ZC3H12B: variants seen among roughly 807,000 people sequenced by gnomAD.
ZC3H12B encodes probable ribonuclease ZC3H12B.
ZC3H12B carries 7 observed loss-of-function variants against 43.9 expected under a neutral mutation model. That is an observed-to-expected ratio of 0.16 (90% CI 0.09 to 0.30). The LOEUF is 0.30. Among genes scored for constraint, ZC3H12B ranks in the 10% least tolerant of loss-of-function variants. The pLI is 1.00. For synonymous variants in ZC3H12B, 222 were observed against 241.7 expected, an observed-to-expected ratio of 0.92 and a Z score of 0.76; for missense variants, 475 against 670.2, an observed-to-expected ratio of 0.71 and a Z score of 3.22.
chrX:65,041,462 T>A, the ZC3H12B span, among the ~76,000 whole-genome samples: 1 of 112,019 alleles, frequency 8.9e-6, no homozygotes, highest in South Asian at 3.7e-4. Flanking sequence ...ATTTAAAAAA[T>A]CTTCTAAGTG....
chrX:65,226,478 G>T, the ZC3H12B span, among the ~76,000 whole-genome samples: 8 of 111,305 alleles, frequency 7.2e-5, no homozygotes, highest in Non-Finnish European at 1.3e-4. Flanking sequence ...GTCAACTAAT[G>T]AGCAAAATAA....
At chrX:65,155,245 A>T in the ZC3H12B span, among the ~76,000 whole-genome samples, 1 of 110,406 alleles carries the variant, frequency 9.1e-6, no homozygotes, top group Non-Finnish European at 1.9e-5. Context: ...GGCATGATCC[A>T]CTGAGTCTGG....
rs745744346 is a variant in ZC3H12B, at chrX:65,375,269, G to GC, written n.295+6273dup. 8.9e-5 allele frequency among the ~76,000 whole-genome samples: 10 copies of GC among 112,122 alleles called. No individual in the cohort carries two copies. In the East Asian group the frequency reaches 2.2e-3, roughly 25 times the overall value. On this transcript the variant is annotated intron_variant and non_coding_transcript_variant, in intron 2 of 5. Coordinates refer to the ZC3H12B transcript ENST00000617377. The stretch of plus-strand genomic sequence containing the variant: ...GGAGGAGGCATTTAGACCAGCCCCA[G>GC]CCAGAGGGGAATTATCCATCCCAGC...
At chrX:65,334,872 A>C in the ZC3H12B span, among the ~76,000 whole-genome samples, 1 of 111,729 alleles carries the variant, frequency 9.0e-6, no homozygotes, top group African/African-American at 3.3e-5. Context: ...CATGCATTTC[A>C]TTACAAAGCA....
the ZC3H12B span, among the ~76,000 whole-genome samples, chrX:65,100,444 C>A: frequency 1.9e-5 from 2 of 107,076 alleles, no homozygotes; most frequent in African/African-American, 3.4e-5. Flanking sequence ...CACAGAGTGG[C>A]AAGTTGGATA....
chrX:65,298,138 G>A, the ZC3H12B span, among the ~76,000 whole-genome samples: 1 of 111,593 alleles, frequency 9.0e-6, no homozygotes, highest in African/African-American at 3.3e-5. Flanking sequence ...CAAAAACAAA[G>A]ATAAATAGGT....
chrX:65,433,164 T>G (rs1473789789), intron 3 of ZC3H12B, among the ~76,000 whole-genome samples: 1 of 112,604 alleles, frequency 8.9e-6, no homozygotes, highest in Non-Finnish European at 1.9e-5. Flanking sequence ...TACAGCAGCT[T>G]GAATTTGAGT....
intron 2 of ZC3H12B, among the ~76,000 whole-genome samples, chrX:65,391,909 G>A (rs769124990): frequency 1.8e-5 from 2 of 111,202 alleles, no homozygotes; most frequent in South Asian, 7.6e-4. Context: ...GGGATTGCAG[G>A]TGCGCACCAC....
At chrX:65,373,935 A>ATATATATATAGTTTATATATATAC (rs2066291041) in intron 2 of ZC3H12B, among the ~76,000 whole-genome samples, 8 of 41,400 alleles carry the variant, frequency 1.9e-4, no homozygotes, top group African/African-American at 6.0e-4. Flanking sequence ...TATATATAGT[A>ATATATATATAGTTTATATATATAC]TATATATATA....
At chrX:65,220,497 G>C in the ZC3H12B span, among the ~76,000 whole-genome samples, 182 of 111,622 alleles carry the variant, frequency 1.6e-3, no homozygotes, top group African/African-American at 5.8e-3. Context: ...AATTTAAAGA[G>C]GTGGAAAAGA....
the ZC3H12B span, among the ~76,000 whole-genome samples, chrX:65,242,876 G>T: frequency 3.6e-5 from 4 of 112,368 alleles, no homozygotes; most frequent in Admixed American, 1.9e-4. Flanking sequence ...ACATATTTGA[G>T]AAAGGACCAT....
the ZC3H12B span, among the ~76,000 whole-genome samples, chrX:65,251,966 C>T: frequency 8.9e-6 from 1 of 111,855 alleles, no homozygotes; most frequent in African/African-American, 3.3e-5. Context: ...GAACTTCCAA[C>T]ACTATGTTGA....
chrX:65,163,069 C>T, the ZC3H12B span, among the ~76,000 whole-genome samples: 7 of 111,566 alleles, frequency 6.3e-5, no homozygotes, highest in Non-Finnish European at 1.3e-4. Flanking sequence ...GCAGTGGTGG[C>T]TGCAGAACAG....
chrX:65,302,640 A>G, the ZC3H12B span, among the ~76,000 whole-genome samples: 1 of 112,124 alleles, frequency 8.9e-6, no homozygotes, highest in Admixed American at 9.5e-5. Context: ...AAGTTGTTTT[A>G]TGAATATTGA....
At chrX:65,165,111 A>G in the ZC3H12B span, among the ~76,000 whole-genome samples, 3 of 111,978 alleles carry the variant, frequency 2.7e-5, no homozygotes, top group Non-Finnish European at 5.6e-5. Context: ...ACAAATAAAA[A>G]GGAGAAAATC....
intron 3 of ZC3H12B, among the ~76,000 whole-genome samples, chrX:65,478,525 T>C (rs1452182421): frequency 8.9e-6 from 1 of 112,818 alleles, no homozygotes; most frequent in African/African-American, 3.2e-5. Flanking sequence ...TAGAGACCTG[T>C]GAAGTAATTC....
At chrX:65,258,018 T>G in the ZC3H12B span, among the ~76,000 whole-genome samples, 1 of 111,073 alleles carries the variant, frequency 9.0e-6, no homozygotes, top group Non-Finnish European at 1.9e-5. Flanking sequence ...GAGGAGAAAC[T>G]CCTCCCTAAC....
the ZC3H12B span, among the ~76,000 whole-genome samples, chrX:65,267,803 A>T: frequency 8.9e-6 from 1 of 111,969 alleles, no homozygotes; most frequent in African/African-American, 3.2e-5. Flanking sequence ...TTATAGCAAT[A>T]AATGCCTAAT....
the ZC3H12B span, among the ~76,000 whole-genome samples, chrX:65,154,495 ATGGACAT>A: frequency 8.9e-6 from 1 of 111,980 alleles, no homozygotes; most frequent in Non-Finnish European, 1.9e-5. Flanking sequence ...GATTTTCTAC[ATGGACAT>A]TTATCTCTGT....
Sources: gnomAD v4.1 joint callset for allele counts (sites outside exome capture counted in the v4.1 genomes callset) on GRCh38, gnomAD v4.1.1 for gene constraint, MANE v1.5 for transcripts, NCBI Gene and HGNC (gene_info 2026-07-23, HGNC 2026-07-21) for gene names.